Variants in WASF2 observed in about 807,000 individuals in gnomAD.
WASF2 encodes actin-binding protein WASF2.
Under a neutral mutation model 45.0 loss-of-function variants are expected in WASF2, and 14 were observed. That is an observed-to-expected ratio of 0.31 (90% confidence interval 0.21 to 0.49). The LOEUF is 0.49. Ranked by LOEUF, WASF2 falls within the 20% of genes least tolerant of loss-of-function variation. The probability of loss-of-function intolerance (pLI) is 0.99; values close to 1 mark genes in which losing one functional copy is unlikely to be tolerated. For synonymous variants in WASF2, 200 were observed against 236.3 expected, an observed-to-expected ratio of 0.85 and a Z score of 1.41; for missense variants, 439 against 636.1, an observed-to-expected ratio of 0.69 and a Z score of 3.33.
chr1:27,463,300 C>T (rs2017570784), intron 1 of WASF2, among the ~76,000 whole-genome samples: 1 of 152,010 alleles, frequency 6.6e-6, no homozygotes, highest in Non-Finnish European at 1.5e-5. Context: ...TTCTTAGAAA[C>T]TCAGGGTCTT....
intron 1 of WASF2, among the ~76,000 whole-genome samples, chr1:27,475,147 T>C (rs983621524): frequency 1.3e-5 from 2 of 152,036 alleles, no homozygotes; most frequent in African/African-American, 2.4e-5. Flanking sequence ...TGTGGTGTTA[T>C]GTAACTGTAG....
intron 4 of WASF2, among the ~76,000 whole-genome samples, chr1:27,417,373 A>C (rs1317013601): frequency 1.3e-5 from 2 of 152,204 alleles, no homozygotes; most frequent in Non-Finnish European, 2.9e-5. Flanking sequence ...TTTACAAGTA[A>C]AATGAAGGAC....
At position 27,404,634 on chromosome 1, in the gene WASF2, T is replaced by C. The variant is rs1475961636; in HGVS notation, c.*3555A>G. On this transcript the variant is annotated 3_prime_UTR_variant, in exon 9 of 9. Coordinates refer to ENST00000618852, the MANE Select transcript of WASF2 (RefSeq NM_006990.5). ...CCACAGGAATATGTCCTTATAAATATGTTTGTATCAGAGAAAACAAGGCAC... is the reference window on the plus strand; with the variant it reads ...CCACAGGAATATGTCCTTATAAATACGTTTGTATCAGAGAAAACAAGGCAC... The C allele has an allele frequency of 2.0e-5, 3 of 152,230 alleles. No individual in the cohort carries two copies. The highest frequency in any genetic ancestry group is 4.8e-5 in the African/African-American group (2 of 41,448). 9.4% of individuals were successfully genotyped at this position (152,230 alleles called of 1,614,324 possible). A position where few individuals can be genotyped will look rare whatever the true frequency, so the allele number is the denominator to read the frequency against.
Position 27,407,942 on chromosome 1 carries a change from G to C in WASF2, c.*247C>G. ...TCCTTTCAATATGCAACAGGCACTT[G>C]AAGGAAAGAGGGAACATCCCAGCTA... On this transcript the variant is annotated 3_prime_UTR_variant, in exon 9 of 9. Coordinates refer to ENST00000618852, the MANE Select transcript of WASF2 (RefSeq NM_006990.5). 2.4e-6 allele frequency: 1 copy of C among 421,700 alleles called. No individual in the cohort carries two copies. The highest frequency in any genetic ancestry group is 4.5e-5 in the South Asian group (1 of 22,338). The allele number at this position is 421,700 out of a possible 1,614,324, so 26.1% of individuals were successfully genotyped here.
chr1:27,458,288 G>A (rs1302605626), intron 1 of WASF2, among the ~76,000 whole-genome samples: 3 of 126,372 alleles, frequency 2.4e-5, no homozygotes, highest in Non-Finnish European at 4.8e-5. Context: ...CCTCCAGCCT[G>A]GGTGACAGAG....
At chr1:27,457,822 A>C (rs552804247) in intron 1 of WASF2, among the ~76,000 whole-genome samples, 2 of 151,884 alleles carry the variant, frequency 1.3e-5, no homozygotes, top group South Asian at 2.1e-4. Flanking sequence ...AGGTATCACT[A>C]TTTTGCCCAG....
intron 1 of WASF2, among the ~76,000 whole-genome samples, chr1:27,464,063 G>C (rs971492607): frequency 1.3e-5 from 2 of 151,550 alleles, no homozygotes; most frequent in Non-Finnish European, 2.9e-5. Context: ...TAATAATTTT[G>C]GTCATACAAA....
chr1:27,483,926 C>T (rs1360318223), intron 1 of WASF2, among the ~76,000 whole-genome samples: 1 of 151,974 alleles, frequency 6.6e-6, no homozygotes, highest in African/African-American at 2.4e-5. Context: ...TGCCATTGCA[C>T]TCAAGCCAGG....
chr1:27,426,154 G>A (rs1351906020), intron 2 of WASF2, among the ~76,000 whole-genome samples: 2 of 152,212 alleles, frequency 1.3e-5, no homozygotes, highest in Admixed American at 6.5e-5. Context: ...GAGGAAGAGG[G>A]GAGAGAAATA....
At chr1:27,444,207 G>A (rs527981729) in intron 1 of WASF2, among the ~76,000 whole-genome samples, 5 of 152,160 alleles carry the variant, frequency 3.3e-5, no homozygotes, top group African/African-American at 1.2e-4. Flanking sequence ...AGCCTCCAGA[G>A]TAGCTGGGGC....
rs1328654942 is a variant in WASF2 at position 27,412,661 on chromosome 1, G to C, written c.735C>G (p.Ser245Arg). 1 of 1,614,220 alleles carries C rather than the reference G, an allele frequency of 6.2e-7. No individual in the cohort carries two copies. Among genetic ancestry groups the C allele is most frequent in the Admixed American group, 1.7e-5 (1 of 60,016 alleles). ...IGCVENVDAS[S>R]YPPPPQSDSA... is the part of the protein sequence containing the mutation. The stretch of plus-strand genomic sequence containing the variant: ...AGTCTGACTGTGGTGGTGGCGGATA[G>C]CTACTTGCATCCACGTTTTCAACAC... The change falls in exon 7 of 9, where the codon AGC (serine) becomes AGG (arginine). Residue 245 changes from serine to arginine, a missense_variant. Transcript: ENST00000618852.
chr1:27,467,264 A>C (rs1302390172), intron 1 of WASF2, among the ~76,000 whole-genome samples: 2 of 150,332 alleles, frequency 1.3e-5, no homozygotes, highest in Non-Finnish European at 3.0e-5. Flanking sequence ...ACAAAGAAAA[A>C]AATAATAGTT....
chr1:27,484,426 C>T (rs548760603), intron 1 of WASF2, among the ~76,000 whole-genome samples: 1 of 152,188 alleles, frequency 6.6e-6, no homozygotes, highest in African/African-American at 2.4e-5. Flanking sequence ...ACTCCTTACA[C>T]CAAGATGTGC....
chr1:27,458,956 T>C (rs1300038379), intron 1 of WASF2, among the ~76,000 whole-genome samples: 1 of 151,510 alleles, frequency 6.6e-6, no homozygotes. Context: ...TAAAACCCTG[T>C]CTCTACTAAA....
intron 1 of WASF2, among the ~76,000 whole-genome samples, chr1:27,435,269 C>G (rs1362139914): frequency 7.3e-6 from 1 of 137,188 alleles, no homozygotes; most frequent in Non-Finnish European, 1.6e-5. Context: ...TTTTATATAT[C>G]ACCTTTGGTC....
chr1:27,436,253 C>G (rs1199841117), intron 1 of WASF2, among the ~76,000 whole-genome samples: 1 of 152,032 alleles, frequency 6.6e-6, no homozygotes, highest in African/African-American at 2.4e-5. Context: ...CGAAACCAGC[C>G]TGGGCAATAT....
At chr1:27,449,077 CTT>C (rs753244534) in intron 1 of WASF2, among the ~76,000 whole-genome samples, 7 of 152,176 alleles carry the variant, frequency 4.6e-5, no homozygotes, top group Non-Finnish European at 7.3e-5. Context: ...CGAAACACCT[CTT>C]GATAGGCCTT....
intron 1 of WASF2, among the ~76,000 whole-genome samples, chr1:27,465,277 T>C (rs1415295045): frequency 1.3e-5 from 2 of 152,166 alleles, no homozygotes; most frequent in African/African-American, 2.4e-5. Flanking sequence ...ACAGTGTAAA[T>C]AAGATTGCAG....
intron 7 of WASF2, among the ~76,000 whole-genome samples, chr1:27,412,106 A>G (rs1437833828): frequency 6.6e-6 from 1 of 152,104 alleles, no homozygotes; most frequent in Non-Finnish European, 1.5e-5. Flanking sequence ...TCAAAAGAGG[A>G]CTCCTATGAG....
Sources: allele counts gnomAD v4.1 joint callset (sites outside exome capture counted in the v4.1 genomes callset), GRCh38; gene constraint gnomAD v4.1.1; transcripts MANE v1.5; gene names NCBI Gene and HGNC (gene_info 2026-07-23, HGNC 2026-07-21).